The following NEDD4 variants were observed in gnomAD, a reference collection of about 807,000 sequenced individuals.
The protein encoded by NEDD4 is NEDD4 E3 ubiquitin protein ligase, also known as E3 ubiquitin-protein ligase NEDD4.
A neutral mutation model predicts 144.9 loss-of-function variants in NEDD4; 99 were observed. That is an observed-to-expected ratio of 0.68 (90% confidence interval 0.58 to 0.81). The LOEUF (loss-of-function observed/expected upper bound fraction) is 0.81, where lower values mean the gene tolerates loss of function less well. Among genes scored for constraint, NEDD4 ranks in the 30% least tolerant of loss-of-function variants. NEDD4 has a pLI of 0.00. For synonymous variants in NEDD4, 318 were observed against 350.6 expected, an observed-to-expected ratio of 0.91 and a Z score of 1.04; for missense variants, 985 against 1,065.9, an observed-to-expected ratio of 0.92 and a Z score of 1.06.
At chr15:55,882,994 C>T (rs1364092650) in intron 5 of NEDD4, among the ~76,000 whole-genome samples, 6 of 152,030 alleles carry the variant, frequency 3.9e-5, no homozygotes, top group East Asian at 1.9e-4. Flanking sequence ...GAGACTCCTG[C>T]GTGGGAAGAG....
At chr15:55,888,444 T>A (rs1207533626) in intron 5 of NEDD4, among the ~76,000 whole-genome samples, 1 of 152,084 alleles carries the variant, frequency 6.6e-6, no homozygotes, top group African/African-American at 2.4e-5. Flanking sequence ...CAAACACTGA[T>A]GAAAGAAATC....
intron 2 of NEDD4, among the ~76,000 whole-genome samples, chr15:55,962,959 T>C (rs1437104737): frequency 6.7e-6 from 1 of 150,172 alleles, no homozygotes; most frequent in African/African-American, 2.5e-5. Context: ...GCTAATTTTG[T>C]ATATTAGTAG....
At chr15:55,931,343 C>G (rs1231887340) in intron 4 of NEDD4, among the ~76,000 whole-genome samples, 3 of 152,096 alleles carry the variant, frequency 2.0e-5, no homozygotes, top group Admixed American at 6.6e-5. Flanking sequence ...GGAGGGAGGA[C>G]AGAACACCAG....
At chr15:55,836,333 C>T (rs1166254318) in intron 24 of NEDD4, among the ~76,000 whole-genome samples, 2 of 1,900 alleles carry the variant, frequency 1.1e-3, no homozygotes, top group African/African-American at 1.8e-3. Flanking sequence ...AAGTATGTGA[C>T]ACACACACAC....
At chr15:55,848,781 T>C in intron 15 of NEDD4, 25 bp downstream of exon 15, 1 of 1,592,016 alleles carries the variant, frequency 6.3e-7, no homozygotes, top group Non-Finnish European at 8.6e-7. Context: ...CCAAGTTAGA[T>C]GGGTTAGCAT....
At chr15:55,957,125 G>A (rs1447718200) in intron 2 of NEDD4, among the ~76,000 whole-genome samples, 2 of 152,132 alleles carry the variant, frequency 1.3e-5, no homozygotes, top group Non-Finnish European at 2.9e-5. Context: ...CTGATTTTGG[G>A]TTATACAAAC....
At chr15:55,895,834 T>C (rs2035722082) in intron 5 of NEDD4, among the ~76,000 whole-genome samples, 1 of 152,224 alleles carries the variant, frequency 6.6e-6, no homozygotes, top group Admixed American at 6.5e-5. Context: ...ATAATTGGGA[T>C]ACATTTGGTT....
chr15:55,878,486 T>C (rs890221481), intron 5 of NEDD4, among the ~76,000 whole-genome samples: 1 of 152,110 alleles, frequency 6.6e-6, no homozygotes, highest in Non-Finnish European at 1.5e-5. Flanking sequence ...TCAAACCCCC[T>C]GGAATAGCTA....
chr15:55,983,812 T>C (rs544889191), intron 1 of NEDD4, among the ~76,000 whole-genome samples: 11 of 152,164 alleles, frequency 7.2e-5, no homozygotes, highest in African/African-American at 2.6e-4. Context: ...GGTTTCACCA[T>C]GTTGGCCAGG....
intron 4 of NEDD4, among the ~76,000 whole-genome samples, chr15:55,929,852 T>C (rs1264553178): frequency 6.6e-6 from 1 of 152,058 alleles, no homozygotes; most frequent in Non-Finnish European, 1.5e-5. Flanking sequence ...TAGAAACATT[T>C]AGGAATGTCT....
chr15:55,860,653 A>C lies in NEDD4; in HGVS notation c.792+8T>G, dbSNP rs777906774. On this transcript the variant is annotated splice_region_variant and intron_variant, in intron 10 of 28. Transcript: ENST00000435532. Reference sequence around the variant, plus strand: ...GTCTTTCAAGGAGAACTAGGAAACTACTTATACCTCGGAAGACTCTCGGTT... The same window carrying C: ...GTCTTTCAAGGAGAACTAGGAAACTCCTTATACCTCGGAAGACTCTCGGTT... The C allele has an allele frequency of 1.2e-6, 2 of 1,612,250 alleles. No homozygotes were observed. Among genetic ancestry groups the C allele is most frequent in the East Asian group, 4.5e-5 (2 of 44,876 alleles).
At chr15:55,896,974 A>G (rs1329370424) in intron 5 of NEDD4, among the ~76,000 whole-genome samples, 1 of 151,984 alleles carries the variant, frequency 6.6e-6, no homozygotes, top group Non-Finnish European at 1.5e-5. Flanking sequence ...AAATATGATT[A>G]TTGACATGGC....
intron 12 of NEDD4, among the ~76,000 whole-genome samples, chr15:55,853,660 G>A (rs2034079140): frequency 6.6e-6 from 1 of 152,122 alleles, no homozygotes; most frequent in Non-Finnish European, 1.5e-5. Context: ...AATGAATAAA[G>A]AGAAGTCTGG....
chr15:55,881,739 AC>A (rs1217459738), intron 5 of NEDD4, among the ~76,000 whole-genome samples: 4 of 152,110 alleles, frequency 2.6e-5, no homozygotes, highest in Admixed American at 2.6e-4. Flanking sequence ...ATGATTTGTG[AC>A]CCTGCAGTGC....
chr15:55,947,473 T>A (rs1447850462), intron 4 of NEDD4, among the ~76,000 whole-genome samples: 1 of 152,126 alleles, frequency 6.6e-6, no homozygotes, highest in Non-Finnish European at 1.5e-5. Flanking sequence ...AGGAAGAAGT[T>A]GAATCTCTGA....
chr15:55,894,962 G>C (rs550533786), intron 5 of NEDD4, among the ~76,000 whole-genome samples: 5 of 152,168 alleles, frequency 3.3e-5, no homozygotes, highest in African/African-American at 1.2e-4. Flanking sequence ...CTAAATATGA[G>C]AAAAAGGTTT....
chr15:55,922,303 G>A lies in NEDD4; in HGVS notation c.291+2343C>T, dbSNP rs148008436. Among the ~76,000 whole-genome samples the A allele has an allele frequency of 2.2e-3, 341 of 152,180 alleles. 1 individual carries two copies. The highest frequency in any genetic ancestry group is 3.5e-3 in the Non-Finnish European group (236 of 68,000). On this transcript the variant is annotated intron_variant, in intron 5 of 28. Coordinates refer to ENST00000435532, the MANE Select transcript of NEDD4 (RefSeq NM_006154.4). ...ATGTTAAGCAAAAAAGCATATCAGA[G>A]GAATGTCTATAGAGATATACTATTT...
intron 1 of NEDD4, among the ~76,000 whole-genome samples, chr15:55,974,891 CT>C (rs56285555): frequency 0.092 from 6,961 of 75,580 alleles, 249 homozygotes; most frequent in Admixed American, 0.15. Context: ...CTTTTCCTTT[CT>C]TTTTTTTTTT....
chr15:55,959,670 G>C (rs528435034), intron 2 of NEDD4, among the ~76,000 whole-genome samples: 1 of 152,192 alleles, frequency 6.6e-6, no homozygotes, highest in Non-Finnish European at 1.5e-5. Flanking sequence ...CTTGCTAGGA[G>C]ACTCTTGCTA....
Sources: gnomAD v4.1 joint callset for allele counts (sites outside exome capture counted in the v4.1 genomes callset) on GRCh38, gnomAD v4.1.1 for gene constraint, MANE v1.5 for transcripts, NCBI Gene and HGNC (gene_info 2026-07-23, HGNC 2026-07-21) for gene names.